Variants in SORCS1 observed in about 807,000 individuals in gnomAD.
SORCS1 encodes the protein VPS10 domain-containing receptor SorCS1.
SORCS1 carries 60 observed loss-of-function variants against 146.1 expected under a neutral mutation model. That is an observed-to-expected ratio of 0.41 (90% confidence interval 0.33 to 0.51). The LOEUF is 0.51. Among genes scored for constraint, SORCS1 ranks in the 20% least tolerant of loss-of-function variants. SORCS1 has a pLI of 0.21. For synonymous variants in SORCS1, 637 were observed against 584.0 expected (o/e 1.09, Z -1.31); for missense variants, 1,352 against 1,487.6 (o/e 0.91, Z 1.50).
intron 3 of SORCS1, among the ~76,000 whole-genome samples, chr10:106,823,428 T>C (rs1948151919): frequency 6.6e-6 from 1 of 152,188 alleles, no homozygotes; most frequent in Non-Finnish European, 1.5e-5. Flanking sequence ...TAATTAAATT[T>C]ATAGTTAGAG....
intron 9 of SORCS1, among the ~76,000 whole-genome samples, chr10:106,698,728 A>G (rs1853897606): frequency 6.6e-6 from 1 of 152,206 alleles, no homozygotes; most frequent in African/African-American, 2.4e-5. Context: ...TGGCCCTGTG[A>G]GAAAAAGGCC....
chr10:106,913,107 A>G (rs1317573832), intron 2 of SORCS1, among the ~76,000 whole-genome samples: 1 of 151,184 alleles, frequency 6.6e-6, no homozygotes, highest in East Asian at 1.9e-4. Flanking sequence ...TTACATTGCT[A>G]AAGTGTCTTT....
chr10:106,994,267 T>C (rs556838443), intron 1 of SORCS1, among the ~76,000 whole-genome samples: 199 of 152,230 alleles, frequency 1.3e-3, no homozygotes, highest in African/African-American at 4.6e-3. Context: ...CAGCTCTTTA[T>C]GTAAAATGAC....
At chr10:106,937,425 T>C (rs1033146602) in intron 2 of SORCS1, among the ~76,000 whole-genome samples, 1 of 151,746 alleles carries the variant, frequency 6.6e-6, no homozygotes, top group African/African-American at 2.4e-5. Flanking sequence ...TAATCCACCC[T>C]TGTCGGCCTC....
intron 1 of SORCS1, among the ~76,000 whole-genome samples, chr10:107,020,802 A>G (rs540475677): frequency 9.8e-5 from 15 of 152,346 alleles, no homozygotes; most frequent in Admixed American, 2.0e-4. Flanking sequence ...ATTTTGGACA[A>G]CACAGAGCAG....
At chr10:106,957,165 G>GTTTTTTTTTTTTT (rs374081494) in intron 1 of SORCS1, among the ~76,000 whole-genome samples, 2 of 138,038 alleles carry the variant, frequency 1.4e-5, no homozygotes, top group Non-Finnish European at 1.5e-5. Flanking sequence ...GTTTTTTTTT[G>GTTTTTTTTTTTTT]TTTTTTTTGT....
intron 21 of SORCS1, among the ~76,000 whole-genome samples, chr10:106,617,156 T>C (rs1190295929): frequency 6.6e-6 from 1 of 152,030 alleles, no homozygotes; most frequent in Non-Finnish European, 1.5e-5. Flanking sequence ...GGTTTCACCA[T>C]GTTGGTCAGG....
intron 2 of SORCS1, among the ~76,000 whole-genome samples, chr10:106,871,012 A>C (rs1374145154): frequency 6.6e-6 from 1 of 152,226 alleles, no homozygotes; most frequent in Non-Finnish European, 1.5e-5. Flanking sequence ...TATATAAGAG[A>C]AAAACAACCC....
intron 23 of SORCS1, among the ~76,000 whole-genome samples, chr10:106,602,333 T>A (rs533590889): frequency 1.1e-4 from 17 of 152,112 alleles, no homozygotes; most frequent in Non-Finnish European, 2.5e-4. Flanking sequence ...GCTCAGTTGG[T>A]CAGTCTTGAT....
intron 5 of SORCS1, among the ~76,000 whole-genome samples, chr10:106,761,146 A>T (rs558889924): frequency 1.0e-3 from 152 of 152,274 alleles, no homozygotes; most frequent in Non-Finnish European, 1.2e-3. Flanking sequence ...GGCCTACAAG[A>T]TCTAAAATCA....
At chr10:106,976,333 G>GTTTTTTTTTTTGTT (rs1554901320) in intron 1 of SORCS1, among the ~76,000 whole-genome samples, 4 of 113,804 alleles carry the variant, frequency 3.5e-5, no homozygotes, top group Non-Finnish European at 6.8e-5. Flanking sequence ...AGGTTTTTTT[G>GTTTTTTTTTTTGTT]TTTTTTTTTT....
Position 107,101,817 on chromosome 10 carries a change from A to G in SORCS1, c.558+62152T>C, listed in dbSNP as rs552847486. Among the ~76,000 whole-genome samples the G allele has an allele frequency of 7.2e-5, 11 of 151,912 alleles. No individual in the cohort carries two copies. The South Asian group carries it at 2.1e-3, about 29-fold the overall frequency. On this transcript the variant is annotated intron_variant, in intron 1 of 25. Coordinates refer to ENST00000263054, the MANE Select transcript of SORCS1 (RefSeq NM_052918.5). The stretch of plus-strand genomic sequence containing the variant: ...GAGAGTTGACTCAATAGTCTTTATA[A>G]TAAAAATAACTGAAATGTCTTTAAG...
intron 3 of SORCS1, among the ~76,000 whole-genome samples, chr10:106,784,633 G>T (rs111509431): frequency 2.0e-5 from 3 of 152,228 alleles, no homozygotes; most frequent in African/African-American, 7.2e-5. Context: ...GTCTATAAAT[G>T]CCAAAAGGTT....
intron 2 of SORCS1, among the ~76,000 whole-genome samples, chr10:106,955,622 A>G (rs1954901303): frequency 6.6e-6 from 1 of 152,210 alleles, no homozygotes; most frequent in South Asian, 2.1e-4. Flanking sequence ...AAGGGTGTGC[A>G]TGAGTGTGGG....
At chr10:106,772,932 G>A (rs950327220) in intron 4 of SORCS1, among the ~76,000 whole-genome samples, 1 of 152,030 alleles carries the variant, frequency 6.6e-6, no homozygotes, top group African/African-American at 2.4e-5. Flanking sequence ...ATGCACTGAA[G>A]GAGAGAAAAA....
At chr10:106,667,435 CTT>C (rs1227078200) in intron 17 of SORCS1, 1 of 429,112 alleles carries the variant, frequency 2.3e-6, no homozygotes, top group African/African-American at 1.9e-5. Flanking sequence ...AATGAAGACA[CTT>C]TTAATATCAT....
intron 7 of SORCS1, 106 bp from the exon 8 acceptor site, chr10:106,706,740 G>A (rs1854562526): frequency 2.0e-6 from 2 of 982,544 alleles, no homozygotes; most frequent in Non-Finnish European, 3.2e-6. Context: ...ACAACAAATG[G>A]CATTAATGTC....
chr10:107,061,155 A>G (rs1437452335), intron 1 of SORCS1, among the ~76,000 whole-genome samples: 1 of 152,212 alleles, frequency 6.6e-6, no homozygotes, highest in African/African-American at 2.4e-5. Flanking sequence ...GATGGTGTTT[A>G]ACGAGAATTT....
At chr10:107,139,743 C>A (rs796751071) in intron 1 of SORCS1, among the ~76,000 whole-genome samples, 2 of 152,304 alleles carry the variant, frequency 1.3e-5, no homozygotes, top group African/African-American at 4.8e-5. Context: ...ATAGTGATTG[C>A]AGTCCTTTCC....
Sources: gnomAD v4.1 joint callset for allele counts (sites outside exome capture counted in the v4.1 genomes callset) on GRCh38, gnomAD v4.1.1 for gene constraint, MANE v1.5 for transcripts, NCBI Gene and HGNC (gene_info 2026-07-23, HGNC 2026-07-21) for gene names.